The following PCDH9 variants were observed in gnomAD, a reference collection of about 807,000 sequenced individuals.
PCDH9 encodes protocadherin 9, also known as protocadherin-9.
PCDH9 carries 24 observed loss-of-function variants against 70.6 expected under a neutral mutation model. The ratio of observed to expected loss-of-function variants is 0.34; its 90% CI spans 0.25 to 0.48. The LOEUF (loss-of-function observed/expected upper bound fraction) is 0.48, where lower values mean the gene tolerates loss of function less well. Ranked by LOEUF, PCDH9 falls within the 20% of genes least tolerant of loss-of-function variation. PCDH9 has a pLI of 0.99. For missense variants in PCDH9, 1,281 were observed against 1,503.6 expected, an observed-to-expected ratio of 0.85 and a Z score of 2.45; for synonymous variants, 562 against 558.5, an observed-to-expected ratio of 1.01 and a Z score of -0.09.
At chr13:66,635,930 C>T (rs2077631377) in intron 3 of PCDH9, among the ~76,000 whole-genome samples, 1 of 152,088 alleles carries the variant, frequency 6.6e-6, no homozygotes, top group African/African-American at 2.4e-5. Flanking sequence ...GTAAAGATCA[C>T]ACCATATAGT....
At chr13:66,960,007 A>C (rs952621492) in intron 2 of PCDH9, among the ~76,000 whole-genome samples, 1 of 152,184 alleles carries the variant, frequency 6.6e-6, no homozygotes, top group Admixed American at 6.5e-5. Flanking sequence ...CAGAATACTT[A>C]TTAGGGAGAA....
rs151224272 is a variant in PCDH9 at position 66,627,216 on chromosome 13, A to G, written c.3340+3994T>C. ...CTTCTACAGATCATACTGACATCCA[A>G]TAGAAACCTATTTTACCTGCTATAA... On this transcript the variant is annotated intron_variant, in intron 4 of 4. Coordinates refer to ENST00000377865, the MANE Select transcript of PCDH9 (RefSeq NM_203487.3). 4.2e-3 allele frequency among the ~76,000 whole-genome samples: 638 copies of G among 152,260 alleles called. 21 individuals are homozygous for G. In the East Asian group the frequency reaches 0.081, roughly 19 times the overall value.
chr13:66,765,502 T>C (rs896013466), intron 3 of PCDH9, among the ~76,000 whole-genome samples: 2 of 152,036 alleles, frequency 1.3e-5, no homozygotes, highest in African/African-American at 4.8e-5. Flanking sequence ...TTCTCATGAA[T>C]AGAGATGTCT....
chr13:66,371,588 C>A (rs1282463522), intron 4 of PCDH9, among the ~76,000 whole-genome samples: 1 of 151,926 alleles, frequency 6.6e-6, no homozygotes, highest in Non-Finnish European at 1.5e-5. Flanking sequence ...CAACTAACTA[C>A]AACAAAACTC....
intron 2 of PCDH9, among the ~76,000 whole-genome samples, chr13:67,071,944 G>A (rs1470090277): frequency 1.4e-5 from 2 of 147,878 alleles, no homozygotes; most frequent in East Asian, 2.0e-4. Context: ...TCAATAATCT[G>A]TTACCTTATA....
chr13:66,387,638 G>A (rs1029413932), intron 4 of PCDH9, among the ~76,000 whole-genome samples: 8 of 149,402 alleles, frequency 5.4e-5, no homozygotes, highest in Admixed American at 1.4e-4. Context: ...TGTTGCCTTC[G>A]CCTTCTGTCA....
intron 2 of PCDH9, among the ~76,000 whole-genome samples, chr13:66,997,025 C>A (rs370464173): frequency 6.6e-6 from 1 of 152,132 alleles, no homozygotes; most frequent in Non-Finnish European, 1.5e-5. Flanking sequence ...CTCCTAAATA[C>A]CCCTTTCAAG....
chr13:66,500,575 C>A (rs1292871861), intron 4 of PCDH9, among the ~76,000 whole-genome samples: 1 of 151,652 alleles, frequency 6.6e-6, no homozygotes, highest in Non-Finnish European at 1.5e-5. Context: ...AAGAAGTGCT[C>A]AAAAAATGGT....
intron 3 of PCDH9, among the ~76,000 whole-genome samples, chr13:66,831,253 G>C (rs1566225506): frequency 1.3e-5 from 2 of 152,084 alleles, no homozygotes; most frequent in African/African-American, 4.8e-5. Context: ...GCAGCACTTT[G>C]CATTTTGAAA....
Position 67,226,898 on chromosome 13 carries a change from A to G in PCDH9, c.1543T>C (p.Phe515Leu). 6.2e-7 allele frequency: 1 copy of G among 1,614,222 alleles called. No individual in the cohort carries two copies. Among genetic ancestry groups the G allele is most frequent in the Non-Finnish European group, 8.5e-7 (1 of 1,180,026 alleles). Residue 515 changes from phenylalanine to leucine, a missense_variant, in exon 2 of 5, where the codon TTT (phenylalanine) becomes CTT (leucine). Coordinates refer to ENST00000377865, the MANE Select transcript of PCDH9 (RefSeq NM_203487.3). This position sits in a 1 kb window ranked among gnomAD's most constrained non-coding sequence, Gnocchi z 5.0. The stretch of plus-strand genomic sequence containing the variant: ...ACTCCTGTTTTTCGGTCCAGATCAA[A>G]GAAGGAGGCATTCGGTCCAAGCTGA... ...VYQLGPNASF[F>L]DLDRKTGVLT...
Position 66,989,568 on chromosome 13 carries a change from A to G in PCDH9, c.3037-85963T>C, listed in dbSNP as rs181152268. Among the ~76,000 whole-genome samples the G allele has an allele frequency of 9.9e-5, 15 of 151,958 alleles. No homozygotes were observed. The East Asian group carries it at 2.9e-3, about 29-fold the overall frequency. On this transcript the variant is annotated intron_variant, in intron 2 of 4. Transcript: ENST00000377865. ...CTTTATGAAATTACTCCATGATCCC[A>G]AGTCTTTTTTTCACTCAACCTCTTT...
Position 66,400,359 on chromosome 13 carries a change from T to C in PCDH9, c.3341-95331A>G, listed in dbSNP as rs781695955. 6.6e-5 allele frequency among the ~76,000 whole-genome samples: 10 copies of C among 152,088 alleles called. No homozygotes were observed. The East Asian group carries it at 1.9e-3, about 29-fold the overall frequency. On this transcript the variant is annotated intron_variant, in intron 4 of 4. Coordinates refer to ENST00000377865, the MANE Select transcript of PCDH9 (RefSeq NM_203487.3). ...CAGTTGAAGATGAGAAATAAATAGATTTTTTTATCCTTAAAAATAAATCTT... is the reference window on the plus strand; with the variant it reads ...CAGTTGAAGATGAGAAATAAATAGACTTTTTTATCCTTAAAAATAAATCTT...
At chr13:66,436,590 C>A (rs1298131001) in intron 4 of PCDH9, among the ~76,000 whole-genome samples, 1 of 152,162 alleles carries the variant, frequency 6.6e-6, no homozygotes, top group Non-Finnish European at 1.5e-5. Flanking sequence ...TGTGTCCCAA[C>A]TTTCTTTCTG....
intron 4 of PCDH9, among the ~76,000 whole-genome samples, chr13:66,598,630 G>T (rs2077130207): frequency 6.6e-6 from 1 of 151,772 alleles, no homozygotes; most frequent in African/African-American, 2.4e-5. Context: ...GGGCCAAATG[G>T]ATATTTGCAG....
In PCDH9 at chr13:66,460,986, T is replaced by C. The variant is rs188495321; in HGVS notation, c.3341-155958A>G. Among the ~76,000 whole-genome samples, 9 of 152,052 alleles carry C rather than the reference T, an allele frequency of 5.9e-5. No individual in the cohort carries two copies. In the East Asian group the frequency reaches 1.7e-3, roughly 29 times the overall value. ...GCAAGAGAAATTGGCCCAGGGTTTT[T>C]CATATCTGTTCCAACAGATTATTAG... On this transcript the variant is annotated intron_variant, in intron 4 of 4. Coordinates refer to ENST00000377865, the MANE Select transcript of PCDH9 (RefSeq NM_203487.3).
intron 4 of PCDH9, among the ~76,000 whole-genome samples, chr13:66,572,764 C>A (rs1250602968): frequency 1.3e-5 from 2 of 151,746 alleles, no homozygotes; most frequent in African/African-American, 4.8e-5. Context: ...TTTCTTTTTT[C>A]TTTCTTTTTT....
chr13:66,363,035 C>T (rs1032983134), intron 4 of PCDH9, among the ~76,000 whole-genome samples: 16 of 152,058 alleles, frequency 1.1e-4, no homozygotes, highest in African/African-American at 2.7e-4. Flanking sequence ...ACAAATTAGC[C>T]GTGTGCGGTG....
chr13:66,834,088 A>T (rs1331123881), intron 3 of PCDH9, among the ~76,000 whole-genome samples: 1 of 151,360 alleles, frequency 6.6e-6, no homozygotes, highest in Non-Finnish European at 1.5e-5. Flanking sequence ...TTATACATTG[A>T]TGTCCCTTCA....
intron 3 of PCDH9, among the ~76,000 whole-genome samples, chr13:66,713,185 T>C (rs537766208): frequency 5.3e-5 from 8 of 152,260 alleles, no homozygotes; most frequent in African/African-American, 1.9e-4. Flanking sequence ...GAAAGGCAGG[T>C]ACAGACATTA....
Sources: gnomAD v4.1 joint callset for allele counts (sites outside exome capture counted in the v4.1 genomes callset) on GRCh38, gnomAD v4.1.1 for gene constraint, Gnocchi (gnomAD v3.1) non-coding constraint, MANE v1.5 for transcripts, NCBI Gene and HGNC (gene_info 2026-07-23, HGNC 2026-07-21) for gene names.